AKAP12: variants seen among roughly 807,000 people sequenced by gnomAD.
The protein encoded by AKAP12 is A-kinase anchoring protein 12.
In AKAP12, 32 loss-of-function variants were observed where a neutral mutation model predicts 79.9. The observed-to-expected ratio is 0.40, with a 90% CI of 0.30 to 0.54. The LOEUF (loss-of-function observed/expected upper bound fraction) is 0.54. Ranked by LOEUF, AKAP12 falls within the 20% of genes least tolerant of loss-of-function variation. The pLI is 0.48. For synonymous variants in AKAP12, 808 were observed against 857.0 expected (o/e 0.94, Z 1.00); for missense variants, 2,074 against 2,177.0 (o/e 0.95, Z 0.94).
Position 151,349,286 on chromosome 6 carries a change from T to G in AKAP12, c.895T>G (p.Phe299Val). 2 of 1,613,332 alleles carry G rather than the reference T, an allele frequency of 1.2e-6. No homozygotes were observed. Among genetic ancestry groups the G allele is most frequent in the Non-Finnish European group, 1.7e-6 (2 of 1,179,854 alleles). ...TGAAACAGGATCAACCTTCAAAAAA[T>G]TCTTCACTCAAGGTTGGGCCGGCTG... is the stretch of plus-strand genomic sequence containing the variant. ...TSETGSTFKK[F>V]FTQGWAGWRK... Residue 299 changes from phenylalanine (F) to valine (V), a missense_variant, in exon 4 of 5, where the codon TTC (phenylalanine) becomes GTC (valine). Phe to Val is a conservative substitution (Grantham distance 50, BLOSUM62 -1). Around this residue, in one of 3 missense-constraint regions of AKAP12, gnomAD observed 1,428 missense variants for 1,451.0 expected, o/e 0.98. Coordinates refer to ENST00000402676, the MANE Select transcript of AKAP12 (RefSeq NM_005100.4).
chr6:151,317,549 C>T (rs1395723363), intron 3 of AKAP12, among the ~76,000 whole-genome samples: 1 of 152,162 alleles, frequency 6.6e-6, no homozygotes, highest in Non-Finnish European at 1.5e-5. Flanking sequence ...ATTTCAGTAT[C>T]CCCAGTTTTA....
At chr6:151,325,203 A>C (rs1423986054) in intron 3 of AKAP12, 31 of 985,326 alleles carry the variant, frequency 3.1e-5, no homozygotes, top group Non-Finnish European at 3.6e-5. Context: ...TGAAAATATC[A>C]AATGCTACAG....
At chr6:151,337,524 A>AAAAAAAAAAAG (rs535027217) in intron 3 of AKAP12, among the ~76,000 whole-genome samples, 13 of 129,782 alleles carry the variant, frequency 1.0e-4, no homozygotes, top group African/African-American at 4.1e-4. Context: ...AAAAAAAAAA[A>AAAAAAAAAAAG]AAAGAAAGAA....
intron 2 of AKAP12, among the ~76,000 whole-genome samples, chr6:151,296,666 A>C (rs182119124): frequency 6.0e-4 from 92 of 152,180 alleles, no homozygotes; most frequent in Admixed American, 4.4e-3. Flanking sequence ...AATCCCAGCT[A>C]CTCAGGAGGC....
chr6:151,325,760 C>G (rs1400161661), intron 3 of AKAP12: 6 of 1,599,040 alleles, frequency 3.8e-6, no homozygotes, highest in Non-Finnish European at 5.1e-6. Context: ...GCTCTGATCC[C>G]GCCGAAACCA....
intron 2 of AKAP12, among the ~76,000 whole-genome samples, chr6:151,286,141 G>A (rs1562721680): frequency 6.6e-6 from 1 of 152,180 alleles, no homozygotes; most frequent in Non-Finnish European, 1.5e-5. Context: ...GCCTCCCAAA[G>A]TGCTGGGATT....
At chr6:151,346,489 G>T (rs554025204) in intron 3 of AKAP12, among the ~76,000 whole-genome samples, 1 of 152,114 alleles carries the variant, frequency 6.6e-6, no homozygotes. Context: ...AATGCCCTTC[G>T]CTGTGGATTT....
intron 2 of AKAP12, among the ~76,000 whole-genome samples, chr6:151,288,017 G>A (rs1776539637): frequency 6.7e-6 from 1 of 149,762 alleles, no homozygotes; most frequent in Non-Finnish European, 1.5e-5. Flanking sequence ...TGAACAAGGA[G>A]AACACCTGGA....
intron 3 of AKAP12, chr6:151,319,809 T>G (rs765150808): frequency 6.5e-6 from 1 of 154,202 alleles, no homozygotes; most frequent in Non-Finnish European, 1.5e-5. Context: ...GGAGGACTGG[T>G]CTTCGGTCAA....
chr6:151,303,651 G>A (rs1776906771), intron 2 of AKAP12, among the ~76,000 whole-genome samples: 2 of 152,242 alleles, frequency 1.3e-5, no homozygotes, highest in South Asian at 4.1e-4. Context: ...GTCAGATGGA[G>A]TGCAGAGTTG....
Position 151,326,158 on chromosome 6 carries a change from G to A in AKAP12, c.319+20255G>A, listed in dbSNP as rs188830170. The stretch of plus-strand genomic sequence containing the variant: ...CTATGGGAGACCTTTAGTATATTTT[G>A]TTCGGGGTTGTACCCTTCCCCTTAG... On this transcript the variant is annotated intron_variant, in intron 3 of 4. Coordinates refer to ENST00000402676, the MANE Select transcript of AKAP12 (RefSeq NM_005100.4). Among the ~76,000 whole-genome samples the A allele has an allele frequency of 2.8e-4, 42 of 152,292 alleles. No individual in the cohort carries two copies. In the East Asian group the frequency reaches 7.7e-3, roughly 28 times the overall value.
chr6:151,243,344 T>C (rs1230055629), intron 2 of AKAP12, among the ~76,000 whole-genome samples: 1 of 152,226 alleles, frequency 6.6e-6, no homozygotes, highest in Admixed American at 6.5e-5. Context: ...TTCTATCTAA[T>C]AGCTGACATT....
chr6:151,282,328 T>G (rs975239523), intron 2 of AKAP12, among the ~76,000 whole-genome samples: 2 of 152,112 alleles, frequency 1.3e-5, no homozygotes, highest in African/African-American at 4.8e-5. Flanking sequence ...CAGGCTGGTC[T>G]TGATTTCCTG....
chr6:151,346,305 A>G (rs1380349076), intron 3 of AKAP12, among the ~76,000 whole-genome samples: 1 of 152,212 alleles, frequency 6.6e-6, no homozygotes, highest in Non-Finnish European at 1.5e-5. Flanking sequence ...CCGGAAAAAT[A>G]TAGTAAACAC....
At chr6:151,298,095 A>G (rs1335852220) in intron 2 of AKAP12, among the ~76,000 whole-genome samples, 21 of 152,210 alleles carry the variant, frequency 1.4e-4, no homozygotes, top group Admixed American at 1.4e-3. Flanking sequence ...TTGGACTCTA[A>G]CCAAGACGTT....
chr6:151,349,963 C>T lies in AKAP12; in HGVS notation c.1572C>T (p.Gly524=), dbSNP rs1562753143. The T allele has an allele frequency of 6.2e-7, 1 of 1,614,018 alleles. No homozygotes were observed. Among genetic ancestry groups the T allele is most frequent in the East Asian group, 2.2e-5 (1 of 44,868 alleles). The change falls in exon 4 of 5, where the codon GGC becomes GGT. Residue 524 remains glycine (G), a synonymous_variant. Transcript: ENST00000402676. ...SPLKKLFTST[G]LKKLSGKKQK... ...TAAAGAAGCTTTTTACCAGCACTGG[C>T]TTAAAAAAGCTTTCTGGAAAGAAAC...
At chr6:151,287,450 G>A (rs1776528513) in intron 2 of AKAP12, among the ~76,000 whole-genome samples, 1 of 151,948 alleles carries the variant, frequency 6.6e-6, no homozygotes, top group African/African-American at 2.4e-5. Context: ...TTGTAGAGTT[G>A]GGATTTCACC....
chr6:151,340,235 G>GT (rs35700566), intron 3 of AKAP12, among the ~76,000 whole-genome samples: 33,023 of 133,554 alleles, frequency 0.25, 4,057 homozygotes, highest in East Asian at 0.4. Context: ...CCCAGCGGTG[G>GT]TTTTTTTTTT....
At position 151,240,631 on chromosome 6, in the gene AKAP12, T is replaced by A; in HGVS notation, c.69T>A (p.Ala23=). ...EQPPEGSSTP[A]EPEPSGGGPS... ...CGCCCGAGGGGAGCTCCACGCCGGC[T>A]GAGCCCGAGCCCAGCGGCGGCGGCC... Residue 23 remains alanine, a synonymous_variant, in exon 2 of 5, where the codon GCT becomes GCA. Coordinates refer to ENST00000402676, the MANE Select transcript of AKAP12 (RefSeq NM_005100.4). 1.5e-6 allele frequency: 2 copies of A among 1,374,306 alleles called. No individual in the cohort carries two copies. Among genetic ancestry groups the A allele is most frequent in the Middle Eastern group, 2.6e-4 (1 of 3,804 alleles). The allele number at this position is 1,374,306 out of a possible 1,614,324, so 85.1% of individuals were successfully genotyped here.
Sources: allele counts gnomAD v4.1 joint callset (sites outside exome capture counted in the v4.1 genomes callset), GRCh38; gene constraint gnomAD v4.1.1; regional missense constraint gnomAD v4.1.1; transcripts MANE v1.5; gene names NCBI Gene and HGNC (gene_info 2026-07-23, HGNC 2026-07-21).